MFAP3L: variants seen among roughly 807,000 people sequenced by gnomAD.
MFAP3L encodes microfibrillar-associated protein 3-like.
MFAP3L carries 5 observed loss-of-function variants against 20.0 expected under a neutral mutation model. The observed-to-expected ratio is 0.25, with a 90% confidence interval of 0.13 to 0.53. The LOEUF is 0.53. Among genes scored for constraint, MFAP3L ranks in the 20% least tolerant of loss-of-function variants. The probability of loss-of-function intolerance (pLI) is 0.96; values close to 1 mark genes in which losing one functional copy is unlikely to be tolerated. For missense variants in MFAP3L, 409 were observed against 527.5 expected (o/e 0.78, Z 2.20); for synonymous variants, 219 against 213.0 (o/e 1.03, Z -0.25).
intron 2 of MFAP3L, chr4:170,001,955 G>C (rs1738653244): frequency 2.0e-6 from 2 of 985,328 alleles, no homozygotes; most frequent in African/African-American, 3.5e-5. Flanking sequence ...ATGAATAACA[G>C]CTCTCTCACC....
Position 169,991,864 on chromosome 4 carries a change from C to A in MFAP3L, c.744G>T (p.Met248Ile), listed in dbSNP as rs1423948446. 4 of 1,614,168 alleles carry A rather than the reference C, an allele frequency of 2.5e-6. No homozygotes were observed. Among genetic ancestry groups the A allele is most frequent in the Non-Finnish European group, 3.4e-6 (4 of 1,180,038 alleles). ...ARSVPLPPLI[M>I]NCRTIMEEIM... is the part of the protein sequence containing the mutation. ...TCTCCTCCATGATAGTCCTGCAGTT[C>A]ATAATGAGAGGCGGCAGAGGCACGC... Residue 248 changes from methionine (M) to isoleucine (I), a missense_variant, in exon 3 of 3, where the codon ATG (methionine) becomes ATT (isoleucine). Transcript: ENST00000361618. This position sits in a 1 kb window ranked among gnomAD's most constrained non-coding sequence, Gnocchi z 4.9.
At chr4:170,004,236 C>T (rs1738883246) in intron 2 of MFAP3L, among the ~76,000 whole-genome samples, 1 of 151,228 alleles carries the variant, frequency 6.6e-6, no homozygotes, top group East Asian at 1.9e-4. Context: ...GGATTACAGG[C>T]CTAGTCATAG....
At chr4:170,003,874 A>C (rs1412930168) in intron 2 of MFAP3L, 1 of 984,698 alleles carries the variant, frequency 1.0e-6, no homozygotes, top group African/African-American at 1.7e-5. Context: ...TCCTGGAGGA[A>C]GTGGCTGTAG....
At chr4:170,003,786 G>T in intron 2 of MFAP3L, 1 of 985,436 alleles carries the variant, frequency 1.0e-6, no homozygotes, top group South Asian at 4.7e-5. Context: ...ACCTGCTAAG[G>T]TACCTGGCCT....
chr4:170,002,028 T>A (rs540462313), intron 2 of MFAP3L: 1 of 985,382 alleles, frequency 1.0e-6, no homozygotes, highest in Admixed American at 6.1e-5. Flanking sequence ...TGAATGGCAG[T>A]GTGCTCCTTG....
intron 2 of MFAP3L, chr4:169,997,904 G>T: frequency 1.3e-6 from 1 of 765,430 alleles, no homozygotes; most frequent in Non-Finnish European, 1.6e-6. Flanking sequence ...AGGATGATTT[G>T]ATCACAACTT....
In MFAP3L at chr4:169,991,737, T is replaced by C. The variant is rs1201160877; in HGVS notation, c.871A>G (p.Asn291Asp). ...ADRDEVYTIPNSLKRSDSPAA... is the reference protein window; with the variant it reads ...ADRDEVYTIPDSLKRSDSPAA... ...GGGGAGTCGCTCCGCTTCAGAGAGT[T>C]GGGGATTGTGTAGACCTCATCCCTG... Residue 291 changes from asparagine to aspartate, a missense_variant, in exon 3 of 3, where the codon AAC becomes GAC. Transcript: ENST00000361618. The surrounding 1 kb of genome is among the most constrained non-coding windows in gnomAD (Gnocchi z 4.9). The C allele has an allele frequency of 6.2e-7, 1 of 1,614,112 alleles. No individual in the cohort carries two copies. The highest frequency in any genetic ancestry group is 8.5e-7 in the Non-Finnish European group (1 of 1,180,022).
chr4:170,006,587 G>A (rs1739051402), intron 1 of MFAP3L: 1 of 152,074 alleles, frequency 6.6e-6, no homozygotes, highest in African/African-American at 2.4e-5. Flanking sequence ...AATGGATTCA[G>A]GCTGCTTTCA....
intron 2 of MFAP3L, among the ~76,000 whole-genome samples, chr4:169,998,999 G>A (rs757934297): frequency 1.3e-5 from 2 of 152,224 alleles, no homozygotes; most frequent in African/African-American, 2.4e-5. Context: ...CATATTTTGT[G>A]AAATACAGGC....
intron 2 of MFAP3L, chr4:170,004,875 C>T (rs1738928182): frequency 6.6e-6 from 1 of 152,222 alleles, no homozygotes; most frequent in South Asian, 2.1e-4. Flanking sequence ...TCAATCTGAC[C>T]AGGATTGGGT....
At chr4:170,007,955 A>G (rs1422649243) in intron 1 of MFAP3L, among the ~76,000 whole-genome samples, 1 of 152,172 alleles carries the variant, frequency 6.6e-6, no homozygotes, top group Non-Finnish European at 1.5e-5. Flanking sequence ...GGAAAATCAA[A>G]CTGAATTTTA....
chr4:170,009,757 T>C (rs1739260738), intron 1 of MFAP3L, among the ~76,000 whole-genome samples: 1 of 152,224 alleles, frequency 6.6e-6, no homozygotes, highest in Non-Finnish European at 1.5e-5. Flanking sequence ...TATCTAAAAA[T>C]GTTTAATAAA....
At chr4:170,016,310 C>T (rs915725907) in intron 1 of MFAP3L, among the ~76,000 whole-genome samples, 6 of 152,210 alleles carry the variant, frequency 3.9e-5, no homozygotes, top group African/African-American at 1.2e-4. Context: ...AACCTCACTA[C>T]GCTCGCTCAA....
At position 169,991,309 on chromosome 4, in the gene MFAP3L, C is replaced by T. The variant is rs56178359; in HGVS notation, c.*69G>A. On this transcript the variant is annotated 3_prime_UTR_variant, in exon 3 of 3. Coordinates refer to ENST00000361618, the MANE Select transcript of MFAP3L (RefSeq NM_021647.8). The surrounding 1 kb of genome is among the most constrained non-coding windows in gnomAD (Gnocchi z 4.9). ...TCCTGGTAAGGCTTAGCGGCAAGTGCGTACTACATCTGTATTACAAGGAGC... is the reference window on the plus strand; with the variant it reads ...TCCTGGTAAGGCTTAGCGGCAAGTGTGTACTACATCTGTATTACAAGGAGC... The T allele has an allele frequency of 2.5e-4, 360 of 1,468,856 alleles. No homozygotes were observed. Among genetic ancestry groups the T allele is most frequent in the Non-Finnish European group, 2.3e-4 (249 of 1,081,180 alleles). 91.0% of individuals were successfully genotyped at this position (1,468,856 alleles called of 1,614,324 possible). A position where few individuals can be genotyped will look rare whatever the true frequency, so the allele number is the denominator to read the frequency against.
intron 1 of MFAP3L, among the ~76,000 whole-genome samples, chr4:170,011,915 G>T (rs1472133190): frequency 6.6e-6 from 1 of 152,186 alleles, no homozygotes; most frequent in African/African-American, 2.4e-5. Context: ...ATAGAATATT[G>T]AAAGAAACGA....
Position 169,992,263 on chromosome 4 carries a change from T to C in MFAP3L, c.345A>G (p.Val115=), listed in dbSNP as rs1184623970. ...HDSGLLNITK[V]SFSDRGKYTC... is the part of the protein sequence containing the mutation. ...TGTATTTACCTCGGTCTGAGAAGGA[T>C]ACCTTGGTGATGTTCAGGAGGCCGC... The change falls in exon 3 of 3, where the codon GTA becomes GTG. Residue 115 remains valine, a synonymous_variant. Coordinates refer to ENST00000361618, the MANE Select transcript of MFAP3L (RefSeq NM_021647.8). This position sits in a 1 kb window ranked among gnomAD's most constrained non-coding sequence, Gnocchi z 4.3. 3 of 1,613,808 alleles carry C rather than the reference T, an allele frequency of 1.9e-6. No individual in the cohort carries two copies. Among genetic ancestry groups the C allele is most frequent in the Non-Finnish European group, 2.5e-6 (3 of 1,179,852 alleles).
In MFAP3L at chr4:170,009,560, A is replaced by G. The variant is rs117072190; in HGVS notation, c.-133-3550T>C. ...ATGCAGTCCTTCAAAATACAAGAACAAAGACCACAGCTTTCAAAACCAGGG... is the reference window on the plus strand; with the variant it reads ...ATGCAGTCCTTCAAAATACAAGAACGAAGACCACAGCTTTCAAAACCAGGG... On this transcript the variant is annotated intron_variant, in intron 1 of 2. Transcript: ENST00000361618. Among the ~76,000 whole-genome samples the G allele has an allele frequency of 1.9e-3, 294 of 152,312 alleles. 2 individuals carry two copies. Among genetic ancestry groups the G allele is most frequent in the East Asian group, 0.014 (71 of 5,188 alleles).
intron 2 of MFAP3L, among the ~76,000 whole-genome samples, chr4:170,002,705 TC>T (rs1738738586): frequency 1.3e-5 from 2 of 152,014 alleles, no homozygotes; most frequent in Admixed American, 1.3e-4. Context: ...AGACAGGGTT[TC>T]ACCATGTTGG....
Position 169,988,860 on chromosome 4 carries a change from G to C in MFAP3L, c.*2518C>G, listed in dbSNP as rs1737460812. ...CAGTCTAAAGCAGCAAAACCAATCA[G>C]GAAACATTCTTTGGCCGCATATTTC... On this transcript the variant is annotated 3_prime_UTR_variant, in exon 3 of 3. Transcript: ENST00000361618. 6.6e-6 allele frequency: 1 copy of C among 152,078 alleles called. No individual in the cohort carries two copies. The highest frequency in any genetic ancestry group is 1.5e-5 in the Non-Finnish European group (1 of 68,008). 9.4% of individuals were successfully genotyped at this position (152,078 alleles called of 1,614,324 possible). A position where few individuals can be genotyped will look rare whatever the true frequency, so the allele number is the denominator to read the frequency against.
Sources: allele counts gnomAD v4.1 joint callset (sites outside exome capture counted in the v4.1 genomes callset), GRCh38; gene constraint gnomAD v4.1.1; non-coding constraint Gnocchi (gnomAD v3.1); transcripts MANE v1.5; gene names NCBI Gene and HGNC (gene_info 2026-07-23, HGNC 2026-07-21).